Variants in SNRPN observed in about 807,000 individuals in gnomAD.
SNRPN encodes the protein small nuclear ribonucleoprotein polypeptide N, also known as small nuclear ribonucleoprotein-associated protein N.
A neutral mutation model predicts 25.2 loss-of-function variants in SNRPN; 7 were observed. That is an observed-to-expected ratio of 0.28 (90% CI 0.16 to 0.52). SNRPN has a LOEUF of 0.52. Ranked by LOEUF, SNRPN falls within the 20% of genes least tolerant of loss-of-function variation. SNRPN has a pLI of 0.96. For missense variants in SNRPN, 196 were observed against 322.5 expected (o/e 0.61, Z 3.00); for synonymous variants, 124 against 110.6 (o/e 1.12, Z -0.76).
intron 1 of SNRPN, among the ~76,000 whole-genome samples, chr15:24,958,390 T>C (rs2074165405): frequency 6.6e-6 from 1 of 151,218 alleles, no homozygotes; most frequent in African/African-American, 2.4e-5. Context: ...TGTCTCCTTT[T>C]TTTTTTTTTT....
intron 1 of SNRPN, among the ~76,000 whole-genome samples, chr15:24,826,299 A>G (rs1321514642): frequency 6.6e-6 from 1 of 152,078 alleles, no homozygotes; most frequent in East Asian, 1.9e-4. Context: ...TCAGACCCTC[A>G]GTTTCATCTC....
chr15:24,954,523 T>C (rs1300778499), upstream of SNRPN, among the ~76,000 whole-genome samples: 1 of 152,138 alleles, frequency 6.6e-6, no homozygotes, highest in East Asian at 1.9e-4. Context: ...TAGCATGCTT[T>C]TAGAGTTAGG....
intron 1 of SNRPN, among the ~76,000 whole-genome samples, chr15:24,875,736 T>C (rs1004135041): frequency 2.0e-5 from 3 of 152,082 alleles, no homozygotes; most frequent in Admixed American, 6.6e-5. Context: ...CTAGGCAACA[T>C]AGCAAAACAC....
chr15:24,834,724 T>TCTCC (rs1156867762), intron 2 of SNRPN, among the ~76,000 whole-genome samples: 11 of 65,956 alleles, frequency 1.7e-4, no homozygotes, highest in African/African-American at 6.5e-4. Flanking sequence ...TGTCTCTCTC[T>TCTCC]CTCCCTCTCT....
At chr15:24,948,364 G>A (rs2855522) in intron 3 of SNRPN, among the ~76,000 whole-genome samples, 19,574 of 151,940 alleles carry the variant, frequency 0.13, 2,422 homozygotes, top group African/African-American at 0.33. Flanking sequence ...TGCCCGCCTC[G>A]GCTTCCCAAA....
At chr15:24,881,907 G>A (rs1054958024) in intron 1 of SNRPN, among the ~76,000 whole-genome samples, 6 of 152,106 alleles carry the variant, frequency 3.9e-5, no homozygotes, top group African/African-American at 1.2e-4. Context: ...CAGATCCTGG[G>A]CAGGCAAAAG....
upstream of SNRPN, among the ~76,000 whole-genome samples, chr15:24,852,920 T>C (rs2053009603): frequency 6.6e-6 from 1 of 151,842 alleles, no homozygotes; most frequent in Non-Finnish European, 1.5e-5. Context: ...GGCAAGAGAG[T>C]GAGACCATAT....
intron 7 of SNRPN, 78 bp from the exon 8 acceptor site, chr15:24,977,700 T>G: frequency 7.3e-7 from 1 of 1,362,950 alleles, no homozygotes; most frequent in Non-Finnish European, 9.8e-7. Flanking sequence ...TAATTGGTCA[T>G]TTTTCTCATT....
At chr15:24,841,736 TTA>T (rs2051724198) in intron 2 of SNRPN, among the ~76,000 whole-genome samples, 1 of 152,190 alleles carries the variant, frequency 6.6e-6, no homozygotes, top group Admixed American at 6.5e-5. Flanking sequence ...GTCTTCCTCC[TTA>T]TCCTTTCGAG....
At chr15:24,858,087 T>C (rs2053592915) in intron 1 of SNRPN, among the ~76,000 whole-genome samples, 1 of 152,146 alleles carries the variant, frequency 6.6e-6, no homozygotes, top group Non-Finnish European at 1.5e-5. Flanking sequence ...AGCTTAGGTT[T>C]CACAATAGTG....
intron 3 of SNRPN, among the ~76,000 whole-genome samples, chr15:24,971,416 G>C (rs772539756): frequency 2.8e-4 from 42 of 152,142 alleles, no homozygotes; most frequent in Non-Finnish European, 5.4e-4. Context: ...GGATGAGAGA[G>C]AACTGTTTCT....
At chr15:24,886,772 G>A (rs769043043) in intron 2 of SNRPN, among the ~76,000 whole-genome samples, 71 of 152,184 alleles carry the variant, frequency 4.7e-4, no homozygotes, top group Admixed American at 1.6e-3. Flanking sequence ...GAGCAGAGTT[G>A]CACACCTAAA....
intron 4 of SNRPN, 47 bp downstream of exon 4, chr15:24,974,503 G>C: frequency 6.3e-7 from 1 of 1,591,798 alleles, no homozygotes; most frequent in Non-Finnish European, 8.6e-7. Flanking sequence ...TGTAAGGGCC[G>C]AAAGAAATAG....
chr15:24,934,876 C>T (rs893380799), intron 3 of SNRPN, among the ~76,000 whole-genome samples: 1 of 152,096 alleles, frequency 6.6e-6, no homozygotes, highest in Admixed American at 6.5e-5. Context: ...TTTATATGGC[C>T]AGATGGGGGC....
At chr15:24,848,547 C>T (rs2052484523) in intron 2 of SNRPN, 1 of 152,116 alleles carries the variant, frequency 6.6e-6, no homozygotes, top group Non-Finnish European at 1.5e-5. Context: ...TCTTTACAAC[C>T]TCTTTTTATA....
intron 1 of SNRPN, among the ~76,000 whole-genome samples, chr15:24,882,942 G>T (rs12593781): frequency 6.6e-6 from 1 of 151,858 alleles, no homozygotes; most frequent in Non-Finnish European, 1.5e-5. Flanking sequence ...ACTTACATTA[G>T]CCTACATTTG....
At chr15:24,905,558 A>T (rs1037644578) in intron 2 of SNRPN, among the ~76,000 whole-genome samples, 2 of 151,536 alleles carry the variant, frequency 1.3e-5, no homozygotes, top group Non-Finnish European at 2.9e-5. Flanking sequence ...ATGTTAGTCA[A>T]TTTTTTTTGT....
In SNRPN at chr15:24,929,669, T is replaced by C. The variant is rs1198405109; in HGVS notation, c.-391+9545T>C. Among the ~76,000 whole-genome samples the C allele has an allele frequency of 6.6e-6, 1 of 152,036 alleles. No homozygotes were observed. Among genetic ancestry groups the C allele is most frequent in the Non-Finnish European group, 1.5e-5 (1 of 68,004 alleles). ...TCTATGGGGCTGCCACACGACTTCC[T>C]AAAAAGGCATAAACACATTTTCTTC... On this transcript the variant is annotated intron_variant, in intron 3 of 11. Coordinates refer to the SNRPN transcript ENST00000400097. This position sits in a 1 kb window ranked among gnomAD's most constrained non-coding sequence, Gnocchi z 5.3.
intron 1 of SNRPN, among the ~76,000 whole-genome samples, chr15:24,957,827 T>C (rs552896000): frequency 2.6e-5 from 4 of 152,166 alleles, no homozygotes; most frequent in Admixed American, 1.3e-4. Context: ...AAGCTGAGTA[T>C]TTAGTCTGAT....
Sources: gnomAD v4.1 joint callset for allele counts (sites outside exome capture counted in the v4.1 genomes callset) on GRCh38, gnomAD v4.1.1 for gene constraint, Gnocchi (gnomAD v3.1) non-coding constraint, MANE v1.5 for transcripts, NCBI Gene and HGNC (gene_info 2026-07-23, HGNC 2026-07-21) for gene names.